The following EIF4E2 variants were observed in gnomAD, a reference collection of about 807,000 sequenced individuals.
EIF4E2 encodes the protein eukaryotic translation initiation factor 4E type 2.
EIF4E2 carries 13 observed loss-of-function variants against 34.2 expected under a neutral mutation model. That is an observed-to-expected ratio of 0.38 (90% CI 0.25 to 0.60). The LOEUF (loss-of-function observed/expected upper bound fraction) is 0.60. Ranked by LOEUF, EIF4E2 falls within the 20% of genes least tolerant of loss-of-function variation. EIF4E2 has a pLI of 0.62. For missense variants in EIF4E2, 222 were observed against 315.1 expected (o/e 0.70, Z 2.24); for synonymous variants, 100 against 106.6 (o/e 0.94, Z 0.38).
At chr2:232,565,913 G>T (rs1692908515) in intron 4 of EIF4E2, among the ~76,000 whole-genome samples, 1 of 151,486 alleles carries the variant, frequency 6.6e-6, no homozygotes, top group South Asian at 2.1e-4. Flanking sequence ...CCAATATGGT[G>T]AAACCCTGTC....
intron 1 of EIF4E2, among the ~76,000 whole-genome samples, chr2:232,555,987 A>G (rs764992291): frequency 7.9e-5 from 12 of 151,972 alleles, no homozygotes; most frequent in Admixed American, 6.5e-5. Flanking sequence ...AGAGGGCCTA[A>G]ACTAAAGTAG....
chr2:232,550,789 T>TC, intron 1 of EIF4E2, 45 bp downstream of exon 1: 1 of 1,519,060 alleles, frequency 6.6e-7, no homozygotes, highest in South Asian at 1.2e-5. Flanking sequence ...CCCGAACAGT[T>TC]CCCCCGCGCC....
intron 2 of EIF4E2, 178 bp from the exon 3 acceptor site, chr2:232,557,706 C>A: frequency 2.9e-6 from 2 of 690,788 alleles, no homozygotes; most frequent in Non-Finnish European, 4.9e-6. Context: ...AATTTAGAAT[C>A]AGTTAACCAC....
chr2:232,556,770 G>A (rs1382581136), intron 2 of EIF4E2, among the ~76,000 whole-genome samples: 1 of 152,188 alleles, frequency 6.6e-6, no homozygotes, highest in Non-Finnish European at 1.5e-5. Flanking sequence ...GCCTGAGATG[G>A]AGATTAGTCC....
downstream of EIF4E2, chr2:232,574,207 G>GT (rs1051649310): frequency 6.6e-7 from 1 of 1,521,264 alleles, no homozygotes; most frequent in Non-Finnish European, 8.9e-7. Flanking sequence ...TGCTCTCTGT[G>GT]TTCAAAAGCT....
intron 4 of EIF4E2, among the ~76,000 whole-genome samples, chr2:232,565,414 A>T (rs755661838): frequency 6.6e-6 from 1 of 152,082 alleles, no homozygotes; most frequent in African/African-American, 2.4e-5. Flanking sequence ...TGGACAGATC[A>T]CCTGAGGTCA....
chr2:232,556,283 T>A, intron 1 of EIF4E2, 133 bp from the exon 2 acceptor site: 1 of 662,356 alleles, frequency 1.5e-6, no homozygotes, highest in Non-Finnish European at 2.6e-6. Context: ...TATTTTGCCC[T>A]TCTTACATCT....
At chr2:232,574,187 T>G (rs1574676811), downstream of EIF4E2, 3 of 1,406,098 alleles carry the variant, frequency 2.1e-6, no homozygotes, top group Non-Finnish European at 2.0e-6. Context: ...GGATGTGGGG[T>G]TATTGTGTCT....
At chr2:232,571,501 C>G (rs1460933596), downstream of EIF4E2, among the ~76,000 whole-genome samples, 1 of 152,196 alleles carries the variant, frequency 6.6e-6, no homozygotes, top group Non-Finnish European at 1.5e-5. Context: ...GAAGAAACTC[C>G]TCTTTGGATT....
At chr2:232,551,289 T>C (rs950204160) in intron 1 of EIF4E2, 1 of 471,604 alleles carries the variant, frequency 2.1e-6, no homozygotes, top group African/African-American at 2.0e-5. Flanking sequence ...CTCTTCCTAC[T>C]TTCTTTCTCC....
At chr2:232,573,130 T>C (rs1278585781), downstream of EIF4E2, among the ~76,000 whole-genome samples, 1 of 152,220 alleles carries the variant, frequency 6.6e-6, no homozygotes, top group African/African-American at 2.4e-5. Flanking sequence ...AGTTTGGGAA[T>C]TGACAAAGAC....
At chr2:232,558,164 C>T (rs1692589966) in intron 3 of EIF4E2, 146 bp downstream of exon 3, 2 of 1,054,868 alleles carry the variant, frequency 1.9e-6, no homozygotes, top group East Asian at 2.6e-5. Flanking sequence ...CAGATTTGTT[C>T]ATTCTTAGGT....
chr2:232,574,336 C>G (rs1032438088), intron 6 of EIF4E2: 3 of 1,550,584 alleles, frequency 1.9e-6, no homozygotes, highest in Admixed American at 3.9e-5. Flanking sequence ...GTCTCTCACA[C>G]TCAGGGTAGG....
chr2:232,583,191 C>A (rs1460421645), exon 7 of EIF4E2: 1 of 152,154 alleles, frequency 6.6e-6, no homozygotes, highest in Non-Finnish European at 1.5e-5. Flanking sequence ...CCAACGTAAC[C>A]AGAATGTGAG....
rs773688921 is a variant in EIF4E2, at chr2:232,567,074, G to A, written c.529-4G>A. 1.9e-6 allele frequency: 3 copies of A among 1,612,988 alleles called. 1 individual carries two copies. In the South Asian group the frequency reaches 3.3e-5, roughly 18 times the overall value. The stretch of plus-strand genomic sequence containing the variant: ...TTTGATGATTCCTTCTGTTCCTCTG[G>A]TAGGAAGACATTATTTCAATATGGA... On this transcript the variant is annotated splice_polypyrimidine_tract_variant and splice_region_variant and intron_variant, in intron 5 of 6. Transcript: ENST00000258416.
At chr2:232,551,714 G>A (rs1692337071) in intron 1 of EIF4E2, among the ~76,000 whole-genome samples, 1 of 152,178 alleles carries the variant, frequency 6.6e-6, no homozygotes, top group Admixed American at 6.5e-5. Flanking sequence ...GCTAACTATT[G>A]CGATATAAAC....
At chr2:232,575,212 C>T (rs1156661187) in intron 6 of EIF4E2, among the ~76,000 whole-genome samples, 1 of 85,132 alleles carries the variant, frequency 1.2e-5, no homozygotes, top group Non-Finnish European at 2.9e-5. Flanking sequence ...AGGAGACGAG[C>T]GTTTTCCAGA....
chr2:232,557,187 G>C (rs1167674516), intron 2 of EIF4E2, among the ~76,000 whole-genome samples: 1 of 152,246 alleles, frequency 6.6e-6, no homozygotes, highest in Non-Finnish European at 1.5e-5. Flanking sequence ...AGAGGTTGCA[G>C]TGAGCCGAGG....
intron 6 of EIF4E2, among the ~76,000 whole-genome samples, chr2:232,576,829 T>G (rs928263707): frequency 2.0e-5 from 3 of 152,196 alleles, no homozygotes; most frequent in African/African-American, 7.2e-5. Flanking sequence ...TAGCCCTCTC[T>G]CCCTTTTCTT....
Sources: gnomAD v4.1 joint callset for allele counts (sites outside exome capture counted in the v4.1 genomes callset) on GRCh38, gnomAD v4.1.1 for gene constraint, MANE v1.5 for transcripts, NCBI Gene and HGNC (gene_info 2026-07-23, HGNC 2026-07-21) for gene names.